Variants in NES observed in about 807,000 individuals in gnomAD.
The protein encoded by NES is nestin.
In NES, 27 loss-of-function variants were observed where a neutral mutation model predicts 35.6. The ratio of observed to expected loss-of-function variants is 0.76; its 90% CI spans 0.56 to 1.04. The LOEUF (loss-of-function observed/expected upper bound fraction) is 1.04, where lower values mean the gene tolerates loss of function less well. NES is among the 50% of genes least tolerant of loss of function. The pLI, the probability that NES is intolerant of heterozygous loss-of-function variation, is 0.00. For missense variants in NES, 1,867 were observed against 1,983.6 expected (o/e 0.94, Z 1.12); for synonymous variants, 822 against 824.2 (o/e 1.00, Z 0.04).
rs756404060 is a variant in NES at position 156,669,432 on chromosome 1, C to CA, written c.4755dup (p.Ala1586CysfsTer28). 1.2e-6 allele frequency: 2 copies of CA among 1,613,912 alleles called. No individual in the cohort carries two copies. The highest frequency in any genetic ancestry group is 1.7e-6 in the Non-Finnish European group (2 of 1,179,872). On this transcript the variant is annotated frameshift_variant, in exon 4 of 4. Coordinates refer to ENST00000368223, the MANE Select transcript of NES (RefSeq NM_006617.2). LOFTEE classifies it high-confidence loss of function. ...GCCCCTGCCCAAGAGGTCTTCAGAG[C>CA]ACTCCCCTCCTCCTCCTGAAAGGGG...
In NES at chr1:156,669,853, G is replaced by A. The variant is rs1350410879; in HGVS notation, c.4335C>T (p.Ser1445=). Residue 1445 remains serine (S), a synonymous_variant, in exon 4 of 4, where the codon AGC becomes AGT. Coordinates refer to ENST00000368223, the MANE Select transcript of NES (RefSeq NM_006617.2). ...GRWGPGSSVG[S]LQALSSSQRG... ...TCTGGGAGCTACTCAGGGCCTGGAG[G>A]CTGCCAACAGAAGACCCTGGCCCCC... 2 of 1,613,794 alleles carry A rather than the reference G, an allele frequency of 1.2e-6. No individual in the cohort carries two copies. Among genetic ancestry groups the A allele is most frequent in the Non-Finnish European group, 1.7e-6 (2 of 1,179,920 alleles).
chr1:156,677,065 A>C lies in NES; in HGVS notation c.200T>G (p.Val67Gly). 6.3e-7 allele frequency: 1 copy of C among 1,598,872 alleles called. No homozygotes were observed. Among genetic ancestry groups the C allele is most frequent in the Non-Finnish European group, 8.5e-7 (1 of 1,174,584 alleles). Reference protein sequence around the residue: ...DDELAALRALVDQRWREKHAA... With the variant: ...DDELAALRALGDQRWREKHAA... ...GTGCTTCTCCCGCCAGCGTTGGTCA[A>C]CGAGGGCCCGCAGGGCCGCCAGCTC... The change falls in exon 1 of 4, where the codon GTT becomes GGT. Residue 67 changes from valine to glycine, a missense_variant. Coordinates refer to ENST00000368223, the MANE Select transcript of NES (RefSeq NM_006617.2). The surrounding 1 kb of genome is among the most constrained non-coding windows in gnomAD (Gnocchi z 4.5).
chr1:156,677,054 A>G lies in NES; in HGVS notation c.211T>C (p.Trp71Arg). ...ACCTCGGCCGCGTGCTTCTCCCGCCAGCGTTGGTCAACGAGGGCCCGCAGG... is the reference window on the plus strand; with the variant it reads ...ACCTCGGCCGCGTGCTTCTCCCGCCGGCGTTGGTCAACGAGGGCCCGCAGG... ...AALRALVDQR[W>R]REKHAAEVAR... Residue 71 changes from tryptophan (W) to arginine (R), a missense_variant, in exon 1 of 4, where the codon TGG (tryptophan) becomes CGG (arginine). By Grantham distance (101) the Trp-to-Arg change is moderately radical. Coordinates refer to ENST00000368223, the MANE Select transcript of NES (RefSeq NM_006617.2). This position sits in a 1 kb window ranked among gnomAD's most constrained non-coding sequence, Gnocchi z 4.5. 2 of 1,596,348 alleles carry G rather than the reference A, an allele frequency of 1.3e-6. No homozygotes were observed. Among genetic ancestry groups the G allele is most frequent in the Non-Finnish European group, 1.7e-6 (2 of 1,173,696 alleles).
rs757523632 is a variant in NES at position 156,672,195 on chromosome 1, C to T, written c.1993G>A (p.Glu665Lys). 6.2e-7 allele frequency: 1 copy of T among 1,609,034 alleles called. No homozygotes were observed. Among genetic ancestry groups the T allele is most frequent in the African/African-American group, 1.3e-5 (1 of 74,440 alleles). Residue 665 changes from glutamate to lysine, a missense_variant, in exon 4 of 4, where the codon GAG becomes AAG. By Grantham distance (56) the Glu-to-Lys change is moderately conservative. Transcript: ENST00000368223. ...TCCTTTTCCAGAGCTGTCAATGACT[C>T]TAAGTTCTCTTGCAGAGAACTTACT... The part of the protein sequence containing the change: ...ELVSSLQENL[E>K]SLTALEKENQ...
Position 156,669,686 on chromosome 1 carries a change from T to C in NES, c.4502A>G (p.Glu1501Gly). 1 of 1,613,978 alleles carries C rather than the reference T, an allele frequency of 6.2e-7. No homozygotes were observed. Among genetic ancestry groups the C allele is most frequent in the Non-Finnish European group, 8.5e-7 (1 of 1,179,906 alleles). ...DSAEPSGSEEESDPVSLERED... is the reference protein window; with the variant it reads ...DSAEPSGSEEGSDPVSLERED... The stretch of plus-strand genomic sequence containing the variant: ...CCTCTCCAAGGAAACAGGGTCAGAC[T>C]CTTCCTCTGAGCCAGAAGGCTCAGC... Residue 1501 changes from glutamate to glycine, a missense_variant, in exon 4 of 4, where the codon GAG becomes GGG. By Grantham distance (98) the Glu-to-Gly change is moderately conservative. Coordinates refer to ENST00000368223, the MANE Select transcript of NES (RefSeq NM_006617.2).
At position 156,669,971 on chromosome 1, in the gene NES, T is replaced by C. The variant is rs775750437; in HGVS notation, c.4217A>G (p.Asp1406Gly). The C allele has an allele frequency of 1.0e-5, 16 of 1,602,158 alleles. No homozygotes were observed. The highest frequency in any genetic ancestry group is 1.3e-5 in the Non-Finnish European group (15 of 1,173,382). ...ATCTGCAAACCCATCGGACTCCCCATCTCGATCCCAGGCTGCAGGATCCAG... is the reference window on the plus strand; with the variant it reads ...ATCTGCAAACCCATCGGACTCCCCACCTCGATCCCAGGCTGCAGGATCCAG... ...LLLDPAAWDR[D>G]GESDGFADEE... The change falls in exon 4 of 4, where the codon GAT becomes GGT. Residue 1406 changes from aspartate (D) to glycine (G), a missense_variant. Coordinates refer to ENST00000368223, the MANE Select transcript of NES (RefSeq NM_006617.2).
rs141299797 is a variant in NES at position 156,669,666 on chromosome 1, C to G, written c.4522G>C (p.Glu1508Gln). 6 of 1,614,060 alleles carry G rather than the reference C, an allele frequency of 3.7e-6. No individual in the cohort carries two copies. The East Asian group carries it at 8.9e-5, about 24-fold the overall frequency. Residue 1508 changes from glutamate (E) to glutamine (Q), a missense_variant, in exon 4 of 4, where the codon GAG becomes CAG. By Grantham distance (29) the Glu-to-Gln change is conservative. Transcript: ENST00000368223. ...SEEESDPVSLEREDKVPGPLE... is the reference protein window; with the variant it reads ...SEEESDPVSLQREDKVPGPLE... The stretch of plus-strand genomic sequence containing the variant: ...GGGCCAGGGACTTTGTCCTCCCTCT[C>G]CAAGGAAACAGGGTCAGACTCTTCC...
At position 156,676,474 on chromosome 1, in the gene NES, C is replaced by T. The variant is rs1647292758; in HGVS notation, c.783+8G>A. On this transcript the variant is annotated splice_region_variant and intron_variant, in intron 1 of 3. Transcript: ENST00000368223. This position sits in a 1 kb window ranked among gnomAD's most constrained non-coding sequence, Gnocchi z 5.3. ...ACTTTCTCTCACCCAGGCCCTCAACCTCCTCACCTGGAACTTTTCAGTAGC... is the reference window on the plus strand; with the variant it reads ...ACTTTCTCTCACCCAGGCCCTCAACTTCCTCACCTGGAACTTTTCAGTAGC... 2 of 1,597,276 alleles carry T rather than the reference C, an allele frequency of 1.3e-6. No homozygotes were observed. Among genetic ancestry groups the T allele is most frequent in the African/African-American group, 2.7e-5 (2 of 74,982 alleles).
chr1:156,672,603 G>T lies in NES; in HGVS notation c.1585C>A (p.Leu529Ile). Residue 529 changes from leucine to isoleucine, a missense_variant, in exon 4 of 4, where the codon CTA (leucine) becomes ATA (isoleucine). Leu to Ile is a conservative substitution (Grantham distance 5). Coordinates refer to ENST00000368223, the MANE Select transcript of NES (RefSeq NM_006617.2). ...GAGTCCTGGATTTCCTTCCTGTTTA[G>T]ATCCTCTTCTTCCCATATTTCCTGC... is the stretch of plus-strand genomic sequence containing the variant. Reference protein sequence around the residue: ...LQQEIWEEEDLNRKEIQDSQV... With the variant: ...LQQEIWEEEDINRKEIQDSQV... 6.2e-7 allele frequency: 1 copy of T among 1,613,714 alleles called. No homozygotes were observed.
chr1:156,674,248 G>A (rs190721786), intron 2 of NES, among the ~76,000 whole-genome samples: 7 of 152,074 alleles, frequency 4.6e-5, no homozygotes, highest in Admixed American at 3.3e-4. Flanking sequence ...TTGAACCAAA[G>A]AGGGGAGCAG....
At chr1:156,675,775 G>A (rs1007033707) in intron 1 of NES, among the ~76,000 whole-genome samples, 1 of 151,982 alleles carries the variant, frequency 6.6e-6, no homozygotes, top group South Asian at 2.1e-4. Flanking sequence ...GTCCCCCGTT[G>A]GTCCCATCTC....
chr1:156,670,134 C>G lies in NES; in HGVS notation c.4054G>C (p.Gly1352Arg), dbSNP rs750509960. The G allele has an allele frequency of 6.2e-6, 10 of 1,613,938 alleles. No homozygotes were observed. In the East Asian group the frequency reaches 8.9e-5, roughly 14 times the overall value. ...LEAPPSEKEE[G>R]EEGEEECGRD... The stretch of plus-strand genomic sequence containing the variant: ...CCACACTCCTCTTCTCCCTCCTCCC[C>G]CTCCTCCTTTTCTGAGGGTGGGGCC... Residue 1352 changes from glycine to arginine, a missense_variant, in exon 4 of 4, where the codon GGG becomes CGG. Physicochemically the swap from Gly to Arg is moderately radical, Grantham distance 125. Transcript: ENST00000368223.
In NES at chr1:156,672,225, C is replaced by T. The variant is rs966201342; in HGVS notation, c.1963G>A (p.Glu655Lys). Residue 655 changes from glutamate (E) to lysine (K), a missense_variant, in exon 4 of 4, where the codon GAA (glutamate) becomes AAA (lysine). Physicochemically the swap from Glu to Lys is moderately conservative, Grantham distance 56 (BLOSUM62 1). Transcript: ENST00000368223. ...TTCTCTTGCAGAGAACTTACTAATTCTTGATTTTCCGTTCCTGGAAATAAA... is the reference window on the plus strand; with the variant it reads ...TTCTCTTGCAGAGAACTTACTAATTTTTGATTTTCCGTTCCTGGAAATAAA... ...TFLFPGTENQ[E>K]LVSSLQENLE... 1.9e-6 allele frequency: 3 copies of T among 1,598,702 alleles called. No individual in the cohort carries two copies. The South Asian group carries it at 3.4e-5, about 18-fold the overall frequency.
In NES at chr1:156,670,480, C is replaced by A; in HGVS notation, c.3708G>T (p.Gln1236His). The A allele has an allele frequency of 6.3e-7, 1 of 1,576,778 alleles. No individual in the cohort carries two copies. Among genetic ancestry groups the A allele is most frequent in the African/African-American group, 1.3e-5 (1 of 74,228 alleles). ...TPILEDAPGPQPQAEGSQEAS... is the reference protein window; with the variant it reads ...TPILEDAPGPHPQAEGSQEAS... ...CCTCCTGACTCCCTTCAGCCTGAGG[C>A]TGAGGCCCAGGGGCATCTTCCAGGA... Residue 1236 changes from glutamine to histidine, a missense_variant, in exon 4 of 4, where the codon CAG (glutamine) becomes CAT (histidine). Gln to His is a conservative substitution (Grantham distance 24, BLOSUM62 0). Coordinates refer to ENST00000368223, the MANE Select transcript of NES (RefSeq NM_006617.2).
chr1:156,675,760 C>G (rs189506812), intron 1 of NES, among the ~76,000 whole-genome samples: 92 of 152,194 alleles, frequency 6.0e-4, no homozygotes, highest in African/African-American at 2.1e-3. Context: ...AGGCAAACAG[C>G]CCCCGTCCCC....
rs747426425 is a variant in NES, at chr1:156,672,229, ATT to A, written c.1957_1958del (p.Asn653SerfsTer33). On this transcript the variant is annotated frameshift_variant, in exon 4 of 4. Coordinates refer to ENST00000368223, the MANE Select transcript of NES (RefSeq NM_006617.2). LOFTEE classifies it low-confidence loss of function (END_TRUNC). ...LETFLFPGTE[N>X]QELVSSLQEN... ...CTTGCAGAGAACTTACTAATTCTTGATTTTCCGTTCCTGGAAATAAAAATGTC... is the reference window on the plus strand; with the variant it reads ...CTTGCAGAGAACTTACTAATTCTTGATTCCGTTCCTGGAAATAAAAATGTC... 6.3e-7 allele frequency: 1 copy of A among 1,597,792 alleles called. No individual in the cohort carries two copies. The highest frequency in any genetic ancestry group is 8.5e-7 in the Non-Finnish European group (1 of 1,175,310).
At position 156,671,690 on chromosome 1, in the gene NES, C is replaced by T; in HGVS notation, c.2498G>A (p.Gly833Glu). 1 of 1,613,808 alleles carries T rather than the reference C, an allele frequency of 6.2e-7. No individual in the cohort carries two copies. The highest frequency in any genetic ancestry group is 8.5e-7 in the Non-Finnish European group (1 of 1,179,964). ...TEILESLKSA[G>E]QENLETLKSP... ...TTTCAGTGTTTCCAGGTTCTCTTGTCCCGCAGACTTCAGTGATTCTAGGAT... is the reference window on the plus strand; with the variant it reads ...TTTCAGTGTTTCCAGGTTCTCTTGTTCCGCAGACTTCAGTGATTCTAGGAT... The change falls in exon 4 of 4, where the codon GGA (glycine) becomes GAA (glutamate). Residue 833 changes from glycine to glutamate, a missense_variant. By Grantham distance (98) the Gly-to-Glu change is moderately conservative. Transcript: ENST00000368223.
At position 156,676,686 on chromosome 1, in the gene NES, G is replaced by T; in HGVS notation, c.579C>A (p.Tyr193Ter). The part of the protein sequence containing the change: ...GEAWRGAVRG[Y>*]QERVAHMETS... ...TCTCCATGTGTGCCACGCGCTCCTG[G>T]TAGCCGCGCACTGCCCCGCGCCACG... The change falls in exon 1 of 4, where the codon TAC (tyrosine) becomes TAA (stop). Residue 193 changes from tyrosine to a stop codon, truncating the protein, a stop_gained. Coordinates refer to ENST00000368223, the MANE Select transcript of NES (RefSeq NM_006617.2). LOFTEE classifies it high-confidence loss of function. The surrounding 1 kb of genome is among the most constrained non-coding windows in gnomAD (Gnocchi z 5.3). 1 of 1,497,454 alleles carries T rather than the reference G, an allele frequency of 6.7e-7. No individual in the cohort carries two copies. The highest frequency in any genetic ancestry group is 8.8e-7 in the Non-Finnish European group (1 of 1,135,868). The allele number at this position is 1,497,454 out of a possible 1,614,324, so 92.8% of individuals were successfully genotyped here.
In NES at chr1:156,672,519, G is replaced by C. The variant is rs376956080; in HGVS notation, c.1669C>G (p.Leu557Val). 1.2e-6 allele frequency: 2 copies of C among 1,613,482 alleles called. No individual in the cohort carries two copies. Among genetic ancestry groups the C allele is most frequent in the Non-Finnish European group, 1.7e-6 (2 of 1,179,676 alleles). The change falls in exon 4 of 4, where the codon CTG becomes GTG. Residue 557 changes from leucine (L) to valine (V), a missense_variant. Leu to Val is a conservative substitution (Grantham distance 32). Coordinates refer to ENST00000368223, the MANE Select transcript of NES (RefSeq NM_006617.2). ...TGGCTCTGGTTTTCCAGAGTCTTCA[G>C]TGACTCTTGAATCTCCTCTCCCAGA... ...KSLGEEIQESLKTLENQSHET... is the reference protein window; with the variant it reads ...KSLGEEIQESVKTLENQSHET...
Sources: allele counts gnomAD v4.1 joint callset (sites outside exome capture counted in the v4.1 genomes callset), GRCh38; gene constraint gnomAD v4.1.1; non-coding constraint Gnocchi (gnomAD v3.1); transcripts MANE v1.5; gene names NCBI Gene and HGNC (gene_info 2026-07-23, HGNC 2026-07-21).